The following TRPM3 variants were observed in gnomAD, a reference collection of about 807,000 sequenced individuals.
TRPM3 encodes long transient receptor potential channel 3.
Under a neutral mutation model 181.2 loss-of-function variants are expected in TRPM3, and 77 were observed. That is an observed-to-expected ratio of 0.42 (90% CI 0.35 to 0.51). The LOEUF is 0.51. Among genes scored for constraint, TRPM3 ranks in the 20% least tolerant of loss-of-function variants. TRPM3 has a pLI of 0.01. For missense variants in TRPM3, 1,759 were observed against 2,196.7 expected, an observed-to-expected ratio of 0.80 and a Z score of 3.98; for synonymous variants, 745 against 796.4, an observed-to-expected ratio of 0.94 and a Z score of 1.09.
intron 1 of TRPM3, among the ~76,000 whole-genome samples, chr9:71,024,092 G>C (rs1391941578): frequency 6.6e-6 from 1 of 152,076 alleles, no homozygotes; most frequent in Admixed American, 6.5e-5. Context: ...ATGTATCATT[G>C]GGAGAAATCA....
At chr9:71,374,345 G>A (rs1179279777) in intron 1 of TRPM3, among the ~76,000 whole-genome samples, 3 of 152,148 alleles carry the variant, frequency 2.0e-5, no homozygotes, top group African/African-American at 4.8e-5. Flanking sequence ...CTGCACTCCA[G>A]TCTGGGCAAC....
rs184830207 is a variant in TRPM3 at position 70,857,871 on chromosome 9, T to G, written c.462+5037A>C. Among the ~76,000 whole-genome samples the G allele has an allele frequency of 7.5e-4, 114 of 152,296 alleles. 1 individual carries two copies. In the Middle Eastern group the frequency reaches 0.01, roughly 14 times the overall value. On this transcript the variant is annotated intron_variant, in intron 3 of 25. Coordinates refer to ENST00000677713, the MANE Select transcript of TRPM3 (RefSeq NM_001366145.2). ...TAAACCTTGGACATAGGTATTAGTG[T>G]GCTTGTCTCAAAAGTTCGCAAGTTG...
At chr9:71,274,387 C>T (rs903772563) in intron 1 of TRPM3, among the ~76,000 whole-genome samples, 1 of 152,150 alleles carries the variant, frequency 6.6e-6, no homozygotes, top group Non-Finnish European at 1.5e-5. Context: ...CTGGATAATA[C>T]TATTGTCCTG....
intron 9 of TRPM3, among the ~76,000 whole-genome samples, chr9:70,649,342 C>T (rs976411089): frequency 3.3e-5 from 5 of 152,068 alleles, no homozygotes; most frequent in African/African-American, 7.2e-5. Flanking sequence ...GTGTTTGCCA[C>T]CATGCCTGGC....
intron 1 of TRPM3, among the ~76,000 whole-genome samples, chr9:71,037,542 C>T (rs369994086): frequency 3.9e-5 from 6 of 152,206 alleles, no homozygotes; most frequent in East Asian, 1.9e-4. Flanking sequence ...CATGCGTGTG[C>T]GCATCCTTTG....
rs1564169948 is a variant in TRPM3, at chr9:70,533,370, G to T, written c.*2583C>A. ...GTTAGGATGTAAGTGCATTAAATTGGCAACATCTAATTTAAAGAACAAAAA... is the reference window on the plus strand; with the variant it reads ...GTTAGGATGTAAGTGCATTAAATTGTCAACATCTAATTTAAAGAACAAAAA... On this transcript the variant is annotated 3_prime_UTR_variant, in exon 26 of 26. Coordinates refer to ENST00000677713, the MANE Select transcript of TRPM3 (RefSeq NM_001366145.2). 1 of 152,088 alleles carries T rather than the reference G, an allele frequency of 6.6e-6. No individual in the cohort carries two copies. Among genetic ancestry groups the T allele is most frequent in the Non-Finnish European group, 1.5e-5 (1 of 68,008 alleles). 9.4% of individuals were successfully genotyped at this position (152,088 alleles called of 1,614,324 possible).
At chr9:70,912,531 G>C (rs940739869) in intron 1 of TRPM3, among the ~76,000 whole-genome samples, 2 of 152,170 alleles carry the variant, frequency 1.3e-5, no homozygotes, top group Non-Finnish European at 2.9e-5. Context: ...CTCAGATAGT[G>C]CTGATAGTAG....
chr9:70,839,271 G>T (rs2094502248), intron 5 of TRPM3, among the ~76,000 whole-genome samples: 1 of 152,116 alleles, frequency 6.6e-6, no homozygotes, highest in African/African-American at 2.4e-5. Flanking sequence ...GCTCTAAGTT[G>T]GGTTCTGAGA....
intron 1 of TRPM3, among the ~76,000 whole-genome samples, chr9:70,912,222 T>C (rs7037609): frequency 0.21 from 31,534 of 152,124 alleles, 3,626 homozygotes; most frequent in East Asian, 0.36. Flanking sequence ...CCAAGAATCA[T>C]AATATTGATT....
At chr9:71,357,205 C>T (rs940255050) in intron 1 of TRPM3, among the ~76,000 whole-genome samples, 3 of 152,180 alleles carry the variant, frequency 2.0e-5, no homozygotes, top group Admixed American at 1.3e-4. Context: ...TTTTCAAACA[C>T]TGCAAGCTTT....
chr9:71,426,888 C>T (rs759183401), intron 1 of TRPM3, among the ~76,000 whole-genome samples: 80 of 151,734 alleles, frequency 5.3e-4, no homozygotes, highest in Non-Finnish European at 1.0e-3. Context: ...TCTTCAGAAA[C>T]GCCTGCTTAT....
intron 1 of TRPM3, among the ~76,000 whole-genome samples, chr9:71,353,934 G>A (rs2091781017): frequency 6.6e-6 from 1 of 152,178 alleles, no homozygotes; most frequent in Admixed American, 6.6e-5. Context: ...GCCACAGATG[G>A]TTGGTGACAA....
chr9:71,367,663 A>G (rs2092379507), intron 1 of TRPM3, among the ~76,000 whole-genome samples: 2 of 152,194 alleles, frequency 1.3e-5, no homozygotes, highest in Non-Finnish European at 1.5e-5. Flanking sequence ...CATCGAAACC[A>G]TCAAATAAGA....
chr9:71,261,395 G>A (rs918642438), intron 1 of TRPM3, among the ~76,000 whole-genome samples: 14 of 152,052 alleles, frequency 9.2e-5, no homozygotes, highest in South Asian at 2.1e-4. Flanking sequence ...ATTCTAGTTC[G>A]CAATTCCTCT....
chr9:70,891,889 C>A (rs2096209269), intron 1 of TRPM3, among the ~76,000 whole-genome samples: 1 of 152,160 alleles, frequency 6.6e-6, no homozygotes, highest in African/African-American at 2.4e-5. Flanking sequence ...CAAAGTCAGA[C>A]CCAAACTTAA....
At chr9:70,882,738 C>G (rs192653905) in intron 1 of TRPM3, among the ~76,000 whole-genome samples, 1 of 152,230 alleles carries the variant, frequency 6.6e-6, no homozygotes, top group Admixed American at 6.5e-5. Flanking sequence ...TAGCCCACTC[C>G]TGGTGTCTCC....
intron 1 of TRPM3, among the ~76,000 whole-genome samples, chr9:71,435,121 T>C (rs2094013265): frequency 6.6e-6 from 1 of 152,226 alleles, no homozygotes; most frequent in Non-Finnish European, 1.5e-5. Context: ...AAATTTACAC[T>C]ATCTGTTCAT....
rs765605289 is a variant in TRPM3, at chr9:70,828,004, G to A, written c.816C>T (p.Tyr272=). The stretch of plus-strand genomic sequence containing the variant: ...TGCTCATGGGATTGGACATGGTCTG[G>A]TATGGCCGGACAACCTGCAGGGTAT... ...DLIGRDVVRP[Y]QTMSNPMSKL... Residue 272 remains tyrosine, a synonymous_variant, in exon 6 of 26, where the codon TAC becomes TAT. Coordinates refer to ENST00000677713, the MANE Select transcript of TRPM3 (RefSeq NM_001366145.2). 1.9e-6 allele frequency: 3 copies of A among 1,612,914 alleles called. No homozygotes were observed. Among genetic ancestry groups the A allele is most frequent in the Admixed American group, 1.7e-5 (1 of 59,902 alleles).
At chr9:70,849,193 G>A (rs1426448450) in intron 3 of TRPM3, among the ~76,000 whole-genome samples, 2 of 152,106 alleles carry the variant, frequency 1.3e-5, no homozygotes, top group African/African-American at 2.4e-5. Context: ...TGCCTGGGCT[G>A]GAACACAATG....
Sources: gnomAD v4.1 joint callset for allele counts (sites outside exome capture counted in the v4.1 genomes callset) on GRCh38, gnomAD v4.1.1 for gene constraint, MANE v1.5 for transcripts, NCBI Gene and HGNC (gene_info 2026-07-23, HGNC 2026-07-21) for gene names.